ABTB1: variants seen among roughly 807,000 people sequenced by gnomAD.
ABTB1 encodes ankyrin repeat and BTB domain containing 1.
ABTB1 carries 45 observed loss-of-function variants against 57.1 expected under a neutral mutation model. That is an observed-to-expected ratio of 0.79 (90% CI 0.62 to 1.01). The LOEUF (loss-of-function observed/expected upper bound fraction) is 1.01, where lower values mean the gene tolerates loss of function less well. Among genes scored for constraint, ABTB1 ranks in the 50% least tolerant of loss-of-function variants. The pLI, the probability that ABTB1 is intolerant of heterozygous loss-of-function variation, is 0.00. For missense variants in ABTB1, 630 were observed against 666.3 expected (o/e 0.95, Z 0.60); for synonymous variants, 302 against 275.4 (o/e 1.10, Z -0.95).
chr3:127,677,957 G>A (rs1374920985), intron 10 of ABTB1, 114 bp downstream of exon 10: 20 of 1,341,332 alleles, frequency 1.5e-5, no homozygotes, highest in Non-Finnish European at 1.8e-5. Flanking sequence ...CATGGTTGAC[G>A]TTTTGAGAAG....
In ABTB1 at chr3:127,672,976, C is replaced by G; in HGVS notation, c.-50C>G. On this transcript the variant is annotated 5_prime_UTR_variant, in exon 1 of 12. Transcript: ENST00000232744. ...TGAGCGTGTTTACATCCGCCGGGTGCGCGGCTTCGCCGCCCGAGGTCGTTC... is the reference window on the plus strand; with the variant it reads ...TGAGCGTGTTTACATCCGCCGGGTGGGCGGCTTCGCCGCCCGAGGTCGTTC... The G allele has an allele frequency of 6.6e-7, 1 of 1,516,620 alleles. No individual in the cohort carries two copies. The allele number at this position is 1,516,620 out of a possible 1,614,324, so 93.9% of individuals were successfully genotyped here.
At chr3:127,674,354 C>A (rs1333385032) in intron 1 of ABTB1, 37 bp from the exon 2 acceptor site, 7 of 1,586,702 alleles carry the variant, frequency 4.4e-6, no homozygotes, top group Non-Finnish European at 5.1e-6. Context: ...GACCATGAAC[C>A]CGTCCTGACC....
chr3:127,680,733 T>G lies in ABTB1; in HGVS notation c.*258T>G, dbSNP rs1576453722. On this transcript the variant is annotated 3_prime_UTR_variant, in exon 12 of 12. Coordinates refer to ENST00000232744, the MANE Select transcript of ABTB1 (RefSeq NM_172027.3). ...GGACACCACTCAGGGAAACCTGGGG[T>G]GGGGGTGGGCTTTGGTCTTAGCACT... 1 of 673,724 alleles carries G rather than the reference T, an allele frequency of 1.5e-6. No individual in the cohort carries two copies. The highest frequency in any genetic ancestry group is 2.6e-6 in the Non-Finnish European group (1 of 378,344). 41.7% of individuals were successfully genotyped at this position (673,724 alleles called of 1,614,324 possible).
Position 127,676,761 on chromosome 3 carries a change from G to A in ABTB1, c.526+180G>A, listed in dbSNP as rs934061108. The A allele has an allele frequency of 7.9e-6, 7 of 888,170 alleles. No individual in the cohort carries two copies. Among genetic ancestry groups the A allele is most frequent in the South Asian group, 1.7e-5 (1 of 60,200 alleles). The allele number at this position is 888,170 out of a possible 1,614,324, so 55.0% of individuals were successfully genotyped here. A position where few individuals can be genotyped will look rare whatever the true frequency, so the allele number is the denominator to read the frequency against. ...GAGGACTAGTGTGCCTGCTCAGGAAGAGCTTGTCCCACCCACATGCTGAGG... is the reference window on the plus strand; with the variant it reads ...GAGGACTAGTGTGCCTGCTCAGGAAAAGCTTGTCCCACCCACATGCTGAGG... On this transcript the variant is annotated intron_variant, in intron 6 of 11. Coordinates refer to ENST00000232744, the MANE Select transcript of ABTB1 (RefSeq NM_172027.3). The surrounding 1 kb of genome is among the most constrained non-coding windows in gnomAD (Gnocchi z 5.4).
At chr3:127,674,217 G>C (rs2074921613) in intron 1 of ABTB1, 174 bp from the exon 2 acceptor site, 6 of 727,950 alleles carry the variant, frequency 8.2e-6, no homozygotes, top group Non-Finnish European at 1.4e-5. Flanking sequence ...CCACATCCTT[G>C]CCTGCACTTT....
chr3:127,677,189 G>A lies in ABTB1; in HGVS notation c.665G>A (p.Cys222Tyr). 1 of 1,613,104 alleles carries A rather than the reference G, an allele frequency of 6.2e-7. No homozygotes were observed. The highest frequency in any genetic ancestry group is 8.5e-7 in the Non-Finnish European group (1 of 1,179,658). ...GTAGTGGCGTCTAAGCCAGGCACGT[G>A]TGTGAAGGTGCTGACCATCGAGCCC... Reference protein sequence around the residue: ...SEFVASKPGTCVKVLTIEPPP... With the variant: ...SEFVASKPGTYVKVLTIEPPP... Residue 222 changes from cysteine to tyrosine, a missense_variant, in exon 8 of 12, where the codon TGT becomes TAT. By Grantham distance (194) the Cys-to-Tyr change is radical. This residue lies in a region of ABTB1 where 579 missense variants were observed against 585.9 expected (regional missense o/e 0.99). Transcript: ENST00000232744.
At chr3:127,678,540 C>T (rs1411303286) in intron 10 of ABTB1, 1 of 152,434 alleles carries the variant, frequency 6.6e-6, no homozygotes, top group Non-Finnish European at 1.5e-5. Context: ...CCATATGGCC[C>T]TGTTGTAGCT....
In ABTB1 at chr3:127,676,052, C is replaced by T. The variant is rs552418911; in HGVS notation, c.258C>T (p.Arg86=). 2.9e-5 allele frequency: 46 copies of T among 1,613,236 alleles called. No homozygotes were observed. In the South Asian group the frequency reaches 3.6e-4, roughly 13 times the overall value. Residue 86 remains arginine (R), a synonymous_variant, in exon 4 of 12, where the codon CGC becomes CGT. Coordinates refer to ENST00000232744, the MANE Select transcript of ABTB1 (RefSeq NM_172027.3). This position sits in a 1 kb window ranked among gnomAD's most constrained non-coding sequence, Gnocchi z 5.4. ...ALSDPIRRAL[R]DYKQVTASCR... ...GTGACCCCATCCGCCGGGCTCTACGCGATTACAAGCAGGTCACGGCTTCCT... is the reference window on the plus strand; with the variant it reads ...GTGACCCCATCCGCCGGGCTCTACGTGATTACAAGCAGGTCACGGCTTCCT...
intron 3 of ABTB1, among the ~76,000 whole-genome samples, chr3:127,675,217 T>C (rs2074949647): frequency 6.6e-6 from 1 of 151,964 alleles, no homozygotes; most frequent in South Asian, 2.1e-4. Context: ...TGACCTTTCA[T>C]GACTTCCCTT....
chr3:127,674,268 C>A, intron 1 of ABTB1, 123 bp from the exon 2 acceptor site: 2 of 1,294,700 alleles, frequency 1.5e-6, no homozygotes, highest in African/African-American at 1.5e-5. Flanking sequence ...CTGTCACCTG[C>A]CCTCACCTGG....
intron 10 of ABTB1, 169 bp from the exon 11 acceptor site, chr3:127,679,816 T>A: frequency 6.7e-6 from 3 of 450,768 alleles, no homozygotes; most frequent in Non-Finnish European, 8.3e-6. Flanking sequence ...TGTGGGAATC[T>A]GGGCCAGCCC....
At chr3:127,679,456 T>G (rs1576451093) in intron 10 of ABTB1, 1 of 452,994 alleles carries the variant, frequency 2.2e-6, no homozygotes, top group East Asian at 7.0e-5. Flanking sequence ...TATCTGTAGG[T>G]GGGCTCTGTG....
rs2075102877 is a variant in ABTB1 at position 127,680,358 on chromosome 3, G to A, written c.1320G>A (p.Val440=). The change falls in exon 12 of 12, where the codon GTG becomes GTA. Residue 440 remains valine (V), a synonymous_variant. Transcript: ENST00000232744. ...ARQETDSIPL[V]DDIRFHVAST... is the part of the protein sequence containing the mutation. ...AGGAGACGGACTCTATCCCGCTGGT[G>A]GACGACATCCGCTTCCACGTGGCCA... 1 of 1,609,148 alleles carries A rather than the reference G, an allele frequency of 6.2e-7. No homozygotes were observed. Among genetic ancestry groups the A allele is most frequent in the South Asian group, 1.1e-5 (1 of 90,590 alleles).
At position 127,680,075 on chromosome 3, in the gene ABTB1, CAG is replaced by C; in HGVS notation, c.1122_1123del (p.Gln374HisfsTer23). 6.2e-7 allele frequency: 1 copy of C among 1,613,870 alleles called. No individual in the cohort carries two copies. The highest frequency in any genetic ancestry group is 1.1e-5 in the South Asian group (1 of 91,092). On this transcript the variant is annotated frameshift_variant, in exon 11 of 12. Transcript: ENST00000232744. LOFTEE classifies it high-confidence loss of function. ...LKRLCGRSLA[Q>X]MLDEDTVVGV... The stretch of plus-strand genomic sequence containing the variant: ...GAGGCTGTGCGGCCGCAGCCTGGCT[CAG>C]ATGCTAGACGAGGACACTGTGGTGG...
chr3:127,674,104 A>G (rs766154127), intron 1 of ABTB1: 87 of 469,826 alleles, frequency 1.9e-4, no homozygotes, highest in Non-Finnish European at 3.3e-4. Context: ...CAAACGCTGA[A>G]AGGCCAAAGG....
intron 1 of ABTB1, 37 bp downstream of exon 1, chr3:127,673,118 T>G: frequency 1.3e-6 from 2 of 1,500,718 alleles, no homozygotes; most frequent in South Asian, 2.5e-5. Flanking sequence ...GTGCGGGAGG[T>G]GGCCGCCCTC....
chr3:127,679,223 TAACTG>T (rs898017005), intron 10 of ABTB1: 2 of 263,940 alleles, frequency 7.6e-6, no homozygotes, highest in Admixed American at 5.0e-5. Flanking sequence ...GCCAGTTACT[TAACTG>T]CTCTGTGCCT....
chr3:127,676,108 T>C lies in ABTB1; in HGVS notation c.314T>C (p.Leu105Ser). ...AGGCGGGATTACTATGACGACTTCT[T>C]GCAGCGGTGAGCCAGGGCACACGAG... ...CRRRDYYDDF[L>S]QRLLEQGIHS... Residue 105 changes from leucine to serine, a missense_variant, in exon 4 of 12, where the codon TTG (leucine) becomes TCG (serine). Coordinates refer to ENST00000232744, the MANE Select transcript of ABTB1 (RefSeq NM_172027.3). The surrounding 1 kb of genome is among the most constrained non-coding windows in gnomAD (Gnocchi z 5.4). The C allele has an allele frequency of 6.2e-7, 1 of 1,613,144 alleles. No individual in the cohort carries two copies. The highest frequency in any genetic ancestry group is 8.5e-7 in the Non-Finnish European group (1 of 1,179,914).
chr3:127,677,678 CT>C lies in ABTB1; in HGVS notation c.869del (p.Phe290SerfsTer64). 6.2e-7 allele frequency: 1 copy of C among 1,611,260 alleles called. No individual in the cohort carries two copies. The highest frequency in any genetic ancestry group is 8.5e-7 in the Non-Finnish European group (1 of 1,178,728). ...TTCCTGAGCCCGGCCTCCCCCAGGC[CT>C]TTTTCTGTGGCCGCAGTGACTACTT... is the stretch of plus-strand genomic sequence containing the variant. ...AGCSFLCHKA[F>X]FCGRSDYFRA... On this transcript the variant is annotated frameshift_variant, in exon 10 of 12. Coordinates refer to ENST00000232744, the MANE Select transcript of ABTB1 (RefSeq NM_172027.3). LOFTEE classifies it high-confidence loss of function.
Sources: gnomAD v4.1 joint callset for allele counts (sites outside exome capture counted in the v4.1 genomes callset) on GRCh38, gnomAD v4.1.1 for gene constraint, gnomAD v4.1.1 regional missense constraint, Gnocchi (gnomAD v3.1) non-coding constraint, MANE v1.5 for transcripts, NCBI Gene and HGNC (gene_info 2026-07-23, HGNC 2026-07-21) for gene names.